The following BTNL8 variants were observed in gnomAD, a reference collection of about 807,000 sequenced individuals.
BTNL8 encodes the protein butyrophilin like 8.
A neutral mutation model predicts 36.1 loss-of-function variants in BTNL8; 22 were observed. That is an observed-to-expected ratio of 0.61 (90% CI 0.44 to 0.87). BTNL8 has a LOEUF of 0.87. BTNL8 is among the 40% of genes least tolerant of loss of function. BTNL8 has a pLI of 0.00. For synonymous variants in BTNL8, 203 were observed against 235.6 expected (o/e 0.86, Z 1.27); for missense variants, 526 against 616.9 (o/e 0.85, Z 1.56).
intron 3 of BTNL8, among the ~76,000 whole-genome samples, chr5:180,916,535 G>T (rs560331290): frequency 5.9e-5 from 9 of 152,154 alleles, no homozygotes; most frequent in African/African-American, 2.2e-4. Context: ...ACTAAATGTT[G>T]TTTATTTGAA....
chr5:180,946,992 A>G (rs1759288651), intron 3 of BTNL8, among the ~76,000 whole-genome samples: 1 of 152,252 alleles, frequency 6.6e-6, no homozygotes, highest in African/African-American at 2.4e-5. Context: ...TAGATTCAAT[A>G]CAATTCCATT....
intron 1 of BTNL8, among the ~76,000 whole-genome samples, chr5:180,905,819 C>G (rs199876723): frequency 6.6e-6 from 1 of 151,120 alleles, no homozygotes; most frequent in African/African-American, 2.4e-5. Flanking sequence ...TGTTCAGTTT[C>G]CATGTAGTTG....
intron 3 of BTNL8, among the ~76,000 whole-genome samples, chr5:180,925,451 A>T (rs1221294301): frequency 6.6e-6 from 1 of 152,238 alleles, no homozygotes; most frequent in African/African-American, 2.4e-5. Context: ...TATGGTTTTC[A>T]GCCTTTCTCT....
At chr5:180,917,509 C>T (rs561322439) in intron 3 of BTNL8, among the ~76,000 whole-genome samples, 51 of 151,394 alleles carry the variant, frequency 3.4e-4, no homozygotes, top group Non-Finnish European at 6.2e-4. Context: ...GGTTAGACTA[C>T]GGCACTATGA....
intron 1 of BTNL8, among the ~76,000 whole-genome samples, chr5:180,902,868 G>A (rs1485483632): frequency 7.8e-6 from 1 of 128,812 alleles, no homozygotes; most frequent in Non-Finnish European, 1.6e-5. Flanking sequence ...CATTTTTTAT[G>A]GCTGCATAGT....
chr5:180,923,845 C>A (rs1436677952), intron 3 of BTNL8, among the ~76,000 whole-genome samples: 2 of 151,984 alleles, frequency 1.3e-5, no homozygotes, highest in Admixed American at 1.3e-4. Context: ...TTTTATACAC[C>A]AGCAAAGACA....
chr5:180,941,114 A>G (rs1004025714), intron 3 of BTNL8, among the ~76,000 whole-genome samples: 43 of 79,732 alleles, frequency 5.4e-4, no homozygotes, highest in African/African-American at 1.6e-3. Flanking sequence ...GGAAGGGAGG[A>G]AGGAAGGAAG....
chr5:180,949,252 C>A lies in BTNL8; in HGVS notation c.849C>A (p.Ala283=), dbSNP rs1219375219. 19 of 1,459,884 alleles carry A rather than the reference C, an allele frequency of 1.3e-5. 4 individuals are homozygous for A. Among genetic ancestry groups the A allele is most frequent in the Non-Finnish European group, 1.8e-5 (19 of 1,057,970 alleles). The allele number at this position is 1,459,884 out of a possible 1,614,324, so 90.4% of individuals were successfully genotyped here. Residue 283 remains alanine, a synonymous_variant, in exon 7 of 8, where the codon GCC becomes GCA. Transcript: ENST00000340184. ...GCTTGCTTTCAGAATTGAGAGACGCCCGGAAACACGCAGGTACCAACGCCT... is the reference window on the plus strand; with the variant it reads ...GCTTGCTTTCAGAATTGAGAGACGCACGGAAACACGCAGGTACCAACGCCT... ...RKHGQAELRD[A]RKHAVEVTLD...
At chr5:180,943,091 A>G (rs1759061042) in intron 3 of BTNL8, among the ~76,000 whole-genome samples, 1 of 151,934 alleles carries the variant, frequency 6.6e-6, no homozygotes, top group South Asian at 2.1e-4. Flanking sequence ...CTCAAGAGTG[A>G]AAAAACCCAA....
chr5:180,923,236 C>A (rs1164980652), intron 3 of BTNL8, among the ~76,000 whole-genome samples: 1 of 151,884 alleles, frequency 6.6e-6, no homozygotes, highest in Non-Finnish European at 1.5e-5. Flanking sequence ...TGTAAAATTC[C>A]AATTAGAAAT....
intron 3 of BTNL8, among the ~76,000 whole-genome samples, chr5:180,913,190 C>A (rs890242188): frequency 6.6e-6 from 1 of 152,120 alleles, no homozygotes; most frequent in African/African-American, 2.4e-5. Context: ...GGACATTGAG[C>A]CTCAAATGCT....
chr5:180,900,693 G>A (rs1756788037), intron 1 of BTNL8, among the ~76,000 whole-genome samples: 2 of 152,202 alleles, frequency 1.3e-5, no homozygotes, highest in African/African-American at 2.4e-5. Flanking sequence ...TCGTTGAGCA[G>A]GTGATTCTGG....
intron 3 of BTNL8, among the ~76,000 whole-genome samples, chr5:180,932,806 T>G (rs1758460928): frequency 1.3e-5 from 2 of 152,006 alleles, no homozygotes; most frequent in African/African-American, 4.8e-5. Context: ...ATAAAACAAA[T>G]TATAAAATGG....
chr5:180,907,792 T>A lies in BTNL8; in HGVS notation c.50-794T>A, dbSNP rs1273228089. Among the ~76,000 whole-genome samples, 7 of 151,742 alleles carry A rather than the reference T, an allele frequency of 4.6e-5. No homozygotes were observed. In the East Asian group the frequency reaches 1.4e-3, roughly 29 times the overall value. On this transcript the variant is annotated intron_variant, in intron 1 of 7. Transcript: ENST00000340184. The stretch of plus-strand genomic sequence containing the variant: ...AGTACCCTGCCGTGTGAGGTGTCAG[T>A]GTGCCCCTGCTGGGGGGTGCCTCCC...
chr5:180,941,013 C>T (rs2113853116), intron 3 of BTNL8, among the ~76,000 whole-genome samples: 1 of 151,436 alleles, frequency 6.6e-6, no homozygotes, highest in Admixed American at 6.6e-5. Flanking sequence ...AATCATTGAA[C>T]CTGGGAGGCA....
intron 2 of BTNL8, among the ~76,000 whole-genome samples, chr5:180,909,254 T>C (rs977204962): frequency 2.0e-5 from 3 of 152,216 alleles, no homozygotes; most frequent in Non-Finnish European, 4.4e-5. Context: ...ATTTCAAGAA[T>C]GTTACATACA....
chr5:180,911,249 G>GT, intron 2 of BTNL8, 90 bp from the exon 3 acceptor site: 1 of 1,542,080 alleles, frequency 6.5e-7, no homozygotes, highest in Non-Finnish European at 8.8e-7. Context: ...GAGAGAATGG[G>GT]TGGGGGGTGG....
chr5:180,936,632 A>G (rs1758664317), intron 3 of BTNL8, among the ~76,000 whole-genome samples: 1 of 152,206 alleles, frequency 6.6e-6, no homozygotes, highest in Admixed American at 6.5e-5. Flanking sequence ...TGGAAGAATT[A>G]ATATTGTTTT....
chr5:180,899,216 G>C lies in BTNL8; in HGVS notation c.-95G>C, dbSNP rs1011922510. 44 of 1,482,364 alleles carry C rather than the reference G, an allele frequency of 3.0e-5. No individual in the cohort carries two copies. Among genetic ancestry groups the C allele is most frequent in the Non-Finnish European group, 3.9e-5 (42 of 1,063,646 alleles). 91.8% of individuals were successfully genotyped at this position (1,482,364 alleles called of 1,614,324 possible). On this transcript the variant is annotated 5_prime_UTR_variant, in exon 1 of 8. Transcript: ENST00000340184. ...AGCCTCTCCGTGGCTTCCGCACCTT[G>C]AGCATTAGGCCAGTTCTCCTCTTCT... is the stretch of plus-strand genomic sequence containing the variant.
Sources: gnomAD v4.1 joint callset for allele counts (sites outside exome capture counted in the v4.1 genomes callset) on GRCh38, gnomAD v4.1.1 for gene constraint, MANE v1.5 for transcripts, NCBI Gene and HGNC (gene_info 2026-07-23, HGNC 2026-07-21) for gene names.